Variants in HJV observed in about 807,000 individuals in gnomAD.
HJV encodes the protein hemojuvelin BMP co-receptor, also known as hemojuvelin.
Under a neutral mutation model 22.7 loss-of-function variants are expected in HJV, and 18 were observed. The ratio of observed to expected loss-of-function variants is 0.79; its 90% CI spans 0.55 to 1.18. The LOEUF (loss-of-function observed/expected upper bound fraction) is 1.18. Among genes scored for constraint, HJV ranks in the 50% most tolerant of loss-of-function variants. The pLI is 0.00. For synonymous variants in HJV, 229 were observed against 222.7 expected (o/e 1.03, Z -0.25); for missense variants, 572 against 553.0 (o/e 1.03, Z -0.34).
At chr1:146,020,102 A>G in intron 2 of HJV, 33 bp downstream of exon 2, 1 of 1,471,428 alleles carries the variant, frequency 6.8e-7, no homozygotes, top group Non-Finnish European at 9.5e-7. Context: ...TACCCTCTAG[A>G]TTTCCCCAAA....
chr1:146,019,338 A>T lies in HJV; in HGVS notation c.494T>A (p.Leu165Ter), dbSNP rs782431871. 5 of 1,613,866 alleles carry T rather than the reference A, an allele frequency of 3.1e-6. No homozygotes were observed. Among genetic ancestry groups the T allele is most frequent in the Non-Finnish European group, 3.4e-6 (4 of 1,180,042 alleles). ...GGGGTCCCCGAAGGAAGCGCAATGCAAGAACCCCGGGGGACGACCATGCAG... is the reference window on the plus strand; with the variant it reads ...GGGGTCCCCGAAGGAAGCGCAATGCTAGAACCCCGGGGGACGACCATGCAG... ...SRLHGRPPGF[L>*]HCASFGDPHV... The change falls in exon 3 of 4, where the codon TTG (leucine) becomes TAG (stop). Residue 165 changes from leucine (L) to a stop codon, truncating the protein, a stop_gained. Coordinates refer to ENST00000336751, the MANE Select transcript of HJV (RefSeq NM_213653.4). LOFTEE classifies it high-confidence loss of function.
chr1:146,019,793 G>C, intron 2 of HJV, 59 bp from the exon 3 acceptor site: 1 of 1,613,188 alleles, frequency 6.2e-7, no homozygotes, highest in Non-Finnish European at 8.5e-7. Flanking sequence ...CTATCGGAGT[G>C]TAGTTTGCTC....
chr1:146,021,543 A>G (rs1553770114), intron 1 of HJV, 44 bp downstream of exon 1: 3 of 152,654 alleles, frequency 2.0e-5, no homozygotes, highest in Non-Finnish European at 4.4e-5. Context: ...TCTAACTTCA[A>G]TATAAAAGCT....
chr1:146,019,563 G>A lies in HJV; in HGVS notation c.269C>T (p.Thr90Ile). The A allele has an allele frequency of 6.2e-7, 1 of 1,613,246 alleles. No homozygotes were observed. The highest frequency in any genetic ancestry group is 8.5e-7 in the Non-Finnish European group (1 of 1,179,984). The change falls in exon 3 of 4, where the codon ACT becomes ATT. Residue 90 changes from threonine (T) to isoleucine (I), a missense_variant. Thr to Ile is a moderately conservative substitution (Grantham distance 89). Transcript: ENST00000336751. Reference protein sequence around the residue: ...CRALRSYALCTRRTARTCRGD... With the variant: ...CRALRSYALCIRRTARTCRGD... ...GCGGCAGGTGCGGGCGGTGCGCCGA[G>A]TGCAGAGCGCATAGGAGCGGAGGGC...
rs1553769676 is a variant in HJV, at chr1:146,019,353, C to G, written c.479G>C (p.Arg160Pro). ...YEGRFSRLHG[R>P]PPGFLHCASF... is the part of the protein sequence containing the mutation. ...AGCGCAATGCAAGAACCCCGGGGGACGACCATGCAGCCGGGAAAACCGGCC... is the reference window on the plus strand; with the variant it reads ...AGCGCAATGCAAGAACCCCGGGGGAGGACCATGCAGCCGGGAAAACCGGCC... The change falls in exon 3 of 4, where the codon CGT (arginine) becomes CCT (proline). Residue 160 changes from arginine to proline, a missense_variant. Physicochemically the swap from Arg to Pro is moderately radical, Grantham distance 103. Coordinates refer to ENST00000336751, the MANE Select transcript of HJV (RefSeq NM_213653.4). 6.2e-7 allele frequency: 1 copy of G among 1,613,820 alleles called. No individual in the cohort carries two copies. Among genetic ancestry groups the G allele is most frequent in the South Asian group, 1.1e-5 (1 of 91,088 alleles).
chr1:146,019,595 G>T lies in HJV; in HGVS notation c.237C>A (p.Leu79=). The change falls in exon 3 of 4, where the codon CTC becomes CTA. Residue 79 remains leucine, a synonymous_variant. Coordinates refer to ENST00000336751, the MANE Select transcript of HJV (RefSeq NM_213653.4). The part of the protein sequence containing the change: ...GRGGGVGSGG[L]CRALRSYALC... ...GCGCATAGGAGCGGAGGGCTCGACA[G>T]AGGCCGCCAGAGCCCACCCCTCCAC... is the stretch of plus-strand genomic sequence containing the variant. 3.1e-6 allele frequency: 5 copies of T among 1,613,686 alleles called. No homozygotes were observed. Among genetic ancestry groups the T allele is most frequent in the Non-Finnish European group, 4.2e-6 (5 of 1,180,026 alleles).
chr1:146,019,445 C>T lies in HJV; in HGVS notation c.387G>A (p.Pro129=), dbSNP rs375878216. Residue 129 remains proline, a synonymous_variant, in exon 3 of 4, where the codon CCG becomes CCA. Transcript: ENST00000336751. ...CSRQGPTAPP[P]PRGPALPGAG... ...CGCCTGGAAGGGCGGGGCCCCGGGGCGGGGGAGGGGCTGTAGGGCCCTGGC... is the reference window on the plus strand; with the variant it reads ...CGCCTGGAAGGGCGGGGCCCCGGGGTGGGGGAGGGGCTGTAGGGCCCTGGC... The T allele has an allele frequency of 5.2e-5, 84 of 1,612,176 alleles. No individual in the cohort carries two copies. The African/African-American group carries it at 1.1e-3, about 20-fold the overall frequency.
rs1652413369 is a variant in HJV, at chr1:146,017,634, A to T, written c.*443T>A. The T allele has an allele frequency of 4.4e-6, 1 of 226,280 alleles. No individual in the cohort carries two copies. Among genetic ancestry groups the T allele is most frequent in the African/African-American group, 2.4e-5 (1 of 42,540 alleles). The allele number at this position is 226,280 out of a possible 1,614,324, so 14.0% of individuals were successfully genotyped here. ...AGAAAGCAGAACATACCTTACACACACATATTCATCAAATAGACTTCTTTC... is the reference window on the plus strand; with the variant it reads ...AGAAAGCAGAACATACCTTACACACTCATATTCATCAAATAGACTTCTTTC... On this transcript the variant is annotated 3_prime_UTR_variant, in exon 4 of 4. Transcript: ENST00000336751.
At chr1:146,020,550 G>A (rs186033339) in intron 1 of HJV, among the ~76,000 whole-genome samples, 5 of 152,236 alleles carry the variant, frequency 3.3e-5, no homozygotes, top group East Asian at 3.9e-4. Context: ...GGAAGGTTGA[G>A]TGAACTCAAG....
chr1:146,019,499 T>C lies in HJV; in HGVS notation c.333A>G (p.Glu111=). 6.2e-7 allele frequency: 1 copy of C among 1,612,914 alleles called. No homozygotes were observed. Among genetic ancestry groups the C allele is most frequent in the Non-Finnish European group, 8.5e-7 (1 of 1,179,886 alleles). ...LAFHSAVHGI[E]DLMIQHNCSR... ...AGCAGTTGTGCTGGATCATCAGGTC[T>C]TCGATGCCATGTACCGCCGAATGGA... The change falls in exon 3 of 4, where the codon GAA becomes GAG. Residue 111 remains glutamate, a synonymous_variant. Transcript: ENST00000336751.
In HJV at chr1:146,019,390, A is replaced by T. The variant is rs782741141; in HGVS notation, c.442T>A (p.Cys148Ser). The change falls in exon 3 of 4, where the codon TGT becomes AGT. Residue 148 changes from cysteine (C) to serine (S), a missense_variant. Transcript: ENST00000336751. ...CGGGAAAACCGGCCTTCATAGTCAC[A>T]AGGGTCCGGGGCAGGGAGGCCGGAG... ...AGSGLPAPDP[C>S]DYEGRFSRLH... is the part of the protein sequence containing the mutation. 24 of 1,613,520 alleles carry T rather than the reference A, an allele frequency of 1.5e-5. No homozygotes were observed. Among genetic ancestry groups the T allele is most frequent in the Non-Finnish European group, 2.0e-5 (24 of 1,179,980 alleles).
rs1385407421 is a variant in HJV at position 146,017,903 on chromosome 1, A to C, written c.*174T>G. ...TCCGGAATGCAGTAACCTTGCCCAG[A>C]ATCCTTATTCTGTGATAATTTCAAC... is the stretch of plus-strand genomic sequence containing the variant. On this transcript the variant is annotated 3_prime_UTR_variant, in exon 4 of 4. Coordinates refer to ENST00000336751, the MANE Select transcript of HJV (RefSeq NM_213653.4). The C allele has an allele frequency of 5.5e-6, 4 of 733,316 alleles. No individual in the cohort carries two copies. Among genetic ancestry groups the C allele is most frequent in the Non-Finnish European group, 9.1e-6 (4 of 441,168 alleles). The allele number at this position is 733,316 out of a possible 1,614,324, so 45.4% of individuals were successfully genotyped here.
Position 146,020,328 on chromosome 1 carries a change from A to G in HJV, c.-89-8T>C, listed in dbSNP as rs1430343862. ...CGGAAGCCCTGTAAGTGACTGAAAA[A>G]AGAAATTTGGCTGGACATGGAGAGA... On this transcript the variant is annotated splice_region_variant and splice_polypyrimidine_tract_variant and intron_variant, in intron 1 of 3. Coordinates refer to ENST00000336751, the MANE Select transcript of HJV (RefSeq NM_213653.4). 2 of 815,698 alleles carry G rather than the reference A, an allele frequency of 2.5e-6. No homozygotes were observed. Among genetic ancestry groups the G allele is most frequent in the South Asian group, 2.7e-5 (2 of 74,136 alleles). 50.5% of individuals were successfully genotyped at this position (815,698 alleles called of 1,614,324 possible).
chr1:146,018,805 CT>C, intron 3 of HJV, 105 bp from the exon 4 acceptor site: 1 of 1,173,194 alleles, frequency 8.5e-7, no homozygotes, highest in Non-Finnish European at 1.3e-6. Context: ...AGATGCAGGA[CT>C]ACTATGGCCC....
rs2101984887 is a variant in HJV at position 146,019,475 on chromosome 1, G to A, written c.357C>T (p.Cys119=). 1 of 1,612,830 alleles carries A rather than the reference G, an allele frequency of 6.2e-7. No homozygotes were observed. Among genetic ancestry groups the A allele is most frequent in the Non-Finnish European group, 8.5e-7 (1 of 1,179,880 alleles). The change falls in exon 3 of 4, where the codon TGC becomes TGT. Residue 119 remains cysteine, a synonymous_variant. Transcript: ENST00000336751. ...GAGGGGCTGTAGGGCCCTGGCGGGAGCAGTTGTGCTGGATCATCAGGTCTT... is the reference window on the plus strand; with the variant it reads ...GAGGGGCTGTAGGGCCCTGGCGGGAACAGTTGTGCTGGATCATCAGGTCTT... ...GIEDLMIQHN[C]SRQGPTAPPP... is the part of the protein sequence containing the mutation.
Position 146,018,580 on chromosome 1 carries a change from C to T in HJV, c.778G>A (p.Gly260Arg). The T allele has an allele frequency of 6.2e-7, 1 of 1,614,180 alleles. No homozygotes were observed. Among genetic ancestry groups the T allele is most frequent in the Non-Finnish European group, 8.5e-7 (1 of 1,180,036 alleles). The change falls in exon 4 of 4, where the codon GGA (glycine) becomes AGA (arginine). Residue 260 changes from glycine (G) to arginine (R), a missense_variant. Gly to Arg is a moderately radical substitution (Grantham distance 125). Coordinates refer to ENST00000336751, the MANE Select transcript of HJV (RefSeq NM_213653.4). ...GCAGTTTGAATCGACAAACTGGATC[C>T]CCCAGGTCGGTCACCTCCATTGATA... The part of the protein sequence containing the change: ...GSINGGDRPG[G>R]SSLSIQTANP...
chr1:146,018,789 A>G (rs1187139221), intron 3 of HJV, 89 bp from the exon 4 acceptor site: 9 of 1,356,400 alleles, frequency 6.6e-6, no homozygotes, highest in Non-Finnish European at 8.4e-6. Context: ...GATCTGATCC[A>G]AGTAGAGATG....
chr1:146,019,121 G>A, intron 3 of HJV, 54 bp downstream of exon 3: 1 of 1,408,398 alleles, frequency 7.1e-7, no homozygotes, highest in South Asian at 1.2e-5. Context: ...GGGAGGAATG[G>A]TGCCCGTGGA....
In HJV at chr1:146,018,287, G is replaced by A. The variant is rs1652458105; in HGVS notation, c.1071C>T (p.Tyr357=). 2 of 1,614,106 alleles carry A rather than the reference G, an allele frequency of 1.2e-6. No homozygotes were observed. Among genetic ancestry groups the A allele is most frequent in the South Asian group, 1.1e-5 (1 of 91,094 alleles). The stretch of plus-strand genomic sequence containing the variant: ...AAACATCAAAGACACAGGAATGGAA[G>A]TAAGCATCTTCCACTGGAAGCCCTT... The part of the protein sequence containing the change: ...CKEGLPVEDA[Y]FHSCVFDVLI... The change falls in exon 4 of 4, where the codon TAC becomes TAT. Residue 357 remains tyrosine (Y), a synonymous_variant. Coordinates refer to ENST00000336751, the MANE Select transcript of HJV (RefSeq NM_213653.4).
Sources: gnomAD v4.1 joint callset for allele counts (sites outside exome capture counted in the v4.1 genomes callset) on GRCh38, gnomAD v4.1.1 for gene constraint, MANE v1.5 for transcripts, NCBI Gene and HGNC (gene_info 2026-07-23, HGNC 2026-07-21) for gene names.